Variants in NDUFA5 observed in about 807,000 individuals in gnomAD.
The protein encoded by NDUFA5 is NADH dehydrogenase [ubiquinone] 1 alpha subcomplex subunit 5.
A neutral mutation model predicts 19.8 loss-of-function variants in NDUFA5; 11 were observed. The ratio of observed to expected loss-of-function variants is 0.56; its 90% CI spans 0.35 to 0.92. The LOEUF (loss-of-function observed/expected upper bound fraction) is 0.92. NDUFA5 is among the 40% of genes least tolerant of loss of function. NDUFA5 has a pLI of 0.01. For synonymous variants in NDUFA5, 47 were observed against 46.8 expected (o/e 1.00, Z -0.01); for missense variants, 109 against 134.2 (o/e 0.81, Z 0.93).
upstream of NDUFA5, among the ~76,000 whole-genome samples, chr7:123,558,542 A>T (rs1798639936): frequency 6.6e-6 from 1 of 152,244 alleles, no homozygotes; most frequent in Non-Finnish European, 1.5e-5. Context: ...AAAGAAGTTG[A>T]TGCAAAGTGT....
At chr7:123,590,572 T>C in the NDUFA5 span, among the ~76,000 whole-genome samples, 1 of 152,176 alleles carries the variant, frequency 6.6e-6, no homozygotes, top group African/African-American at 2.4e-5. Context: ...ATTTATTAAA[T>C]AGGGAATCCT....
the NDUFA5 span, among the ~76,000 whole-genome samples, chr7:123,586,809 G>A: frequency 0.98 from 149,296 of 151,852 alleles, 73,450 homozygotes; most frequent in East Asian, 1. Flanking sequence ...AAAGACTATC[G>A]TTTCCTCATT....
chr7:123,578,745 G>C, the NDUFA5 span, among the ~76,000 whole-genome samples: 2 of 152,030 alleles, frequency 1.3e-5, no homozygotes, highest in Non-Finnish European at 2.9e-5. Flanking sequence ...ATGTGCTAAA[G>C]TCCACCTTCC....
chr7:123,599,454 T>C, the NDUFA5 span, among the ~76,000 whole-genome samples: 3 of 152,178 alleles, frequency 2.0e-5, no homozygotes, highest in African/African-American at 7.2e-5. Flanking sequence ...GTATGACTAA[T>C]CATAGCAAGA....
chr7:123,570,178 G>A, the NDUFA5 span, among the ~76,000 whole-genome samples: 2 of 151,806 alleles, frequency 1.3e-5, no homozygotes, highest in African/African-American at 4.8e-5. Context: ...GGGACCACAG[G>A]CGCCCGCCAC....
the NDUFA5 span, among the ~76,000 whole-genome samples, chr7:123,576,433 T>G: frequency 6.6e-6 from 1 of 152,188 alleles, no homozygotes; most frequent in Non-Finnish European, 1.5e-5. Context: ...ATTCATACGT[T>G]GAAAAGTTTT....
chr7:123,597,570 G>T, the NDUFA5 span, among the ~76,000 whole-genome samples: 1 of 151,978 alleles, frequency 6.6e-6, no homozygotes, highest in Non-Finnish European at 1.5e-5. Flanking sequence ...GGTGGCTCAC[G>T]CCTGTAATCC....
At chr7:123,552,908 T>C (rs1457169636) in intron 2 of NDUFA5, among the ~76,000 whole-genome samples, 2 of 152,200 alleles carry the variant, frequency 1.3e-5, no homozygotes, top group African/African-American at 2.4e-5. Flanking sequence ...CAGCAAGCCT[T>C]TGCTACTTGC....
the NDUFA5 span, among the ~76,000 whole-genome samples, chr7:123,564,935 ACACACACAAG>A: frequency 1.3e-5 from 2 of 151,802 alleles, no homozygotes; most frequent in African/African-American, 2.4e-5. Flanking sequence ...ATATACACAT[ACACACACAAG>A]TACATATAAA....
At chr7:123,597,415 T>C in the NDUFA5 span, among the ~76,000 whole-genome samples, 1 of 152,236 alleles carries the variant, frequency 6.6e-6, no homozygotes, top group African/African-American at 2.4e-5. Flanking sequence ...TGTTAATTGC[T>C]TACTGTGCTT....
the NDUFA5 span, among the ~76,000 whole-genome samples, chr7:123,587,079 A>G: frequency 2.0e-5 from 3 of 151,708 alleles, no homozygotes; most frequent in Non-Finnish European, 3.0e-5. Flanking sequence ...ACAAATTTCA[A>G]TATATTCCTC....
the NDUFA5 span, among the ~76,000 whole-genome samples, chr7:123,578,449 T>C: frequency 6.6e-6 from 1 of 151,950 alleles, no homozygotes; most frequent in Non-Finnish European, 1.5e-5. Context: ...TCTTTCCTCC[T>C]TCTACTTATT....
upstream of NDUFA5, among the ~76,000 whole-genome samples, chr7:123,559,750 G>A (rs912071023): frequency 5.9e-5 from 9 of 151,668 alleles, no homozygotes; most frequent in African/African-American, 2.2e-4. Context: ...CAGCTACTCT[G>A]GAGGCTGAGA....
At chr7:123,553,788 G>T (rs1379839495) in intron 2 of NDUFA5, among the ~76,000 whole-genome samples, 1 of 152,040 alleles carries the variant, frequency 6.6e-6, no homozygotes, top group Non-Finnish European at 1.5e-5. Context: ...GCCTCATAGG[G>T]TATATACAAC....
At chr7:123,547,937 G>T (rs1375264697) in intron 3 of NDUFA5, among the ~76,000 whole-genome samples, 1 of 151,754 alleles carries the variant, frequency 6.6e-6, no homozygotes, top group Admixed American at 6.6e-5. Context: ...GTTCGAGGTG[G>T]GTATTATTAT....
chr7:123,562,300 G>C (rs1368945904), upstream of NDUFA5, among the ~76,000 whole-genome samples: 1 of 152,098 alleles, frequency 6.6e-6, no homozygotes, highest in African/African-American at 2.4e-5. Context: ...TGGTAAGTGA[G>C]CATGGGCTTC....
intron 3 of NDUFA5, among the ~76,000 whole-genome samples, chr7:123,547,316 C>A (rs1212883346): frequency 6.6e-6 from 1 of 152,174 alleles, no homozygotes; most frequent in Non-Finnish European, 1.5e-5. Context: ...CCCACCATGG[C>A]ACACATTTTC....
the NDUFA5 span, among the ~76,000 whole-genome samples, chr7:123,587,696 T>C: frequency 6.6e-6 from 1 of 151,762 alleles, no homozygotes; most frequent in Non-Finnish European, 1.5e-5. Context: ...CTTTATTGTG[T>C]TGAGGTACAT....
chr7:123,599,424 T>C, the NDUFA5 span, among the ~76,000 whole-genome samples: 3 of 152,288 alleles, frequency 2.0e-5, no homozygotes, highest in African/African-American at 7.2e-5. Context: ...TAAGTGGCAT[T>C]GTAGAGGGTA....
Sources: allele counts gnomAD v4.1 joint callset (sites outside exome capture counted in the v4.1 genomes callset), GRCh38; gene constraint gnomAD v4.1.1; transcripts MANE v1.5; gene names NCBI Gene and HGNC (gene_info 2026-07-23, HGNC 2026-07-21).